The following UBXN7 variants were observed in gnomAD, a reference collection of about 807,000 sequenced individuals.
UBXN7 encodes the protein UBX domain-containing protein 7.
In UBXN7, 9 loss-of-function variants were observed where a neutral mutation model predicts 58.0. The observed-to-expected ratio is 0.16, with a 90% CI of 0.09 to 0.27. The LOEUF is 0.27. Among genes scored for constraint, UBXN7 ranks in the 10% least tolerant of loss-of-function variants. The probability of loss-of-function intolerance (pLI) is 1.00; values close to 1 mark genes in which losing one functional copy is unlikely to be tolerated. For missense variants in UBXN7, 328 were observed against 599.6 expected (o/e 0.55, Z 4.73); for synonymous variants, 208 against 205.0 (o/e 1.01, Z -0.12).
At chr3:196,401,298 T>TATATATATATATATATATAC (rs1269101481) in intron 3 of UBXN7, among the ~76,000 whole-genome samples, 10 of 61,674 alleles carry the variant, frequency 1.6e-4, no homozygotes, top group Non-Finnish European at 2.2e-4. Context: ...TATATATATA[T>TATATATATATATATATATAC]ACACACACAC....
intron 8 of UBXN7, among the ~76,000 whole-genome samples, chr3:196,363,282 C>CT (rs1274795355): frequency 6.7e-6 from 1 of 150,360 alleles, no homozygotes; most frequent in Non-Finnish European, 1.5e-5. Flanking sequence ...TTTTTTCTTT[C>CT]TTTTTTTAAG....
intron 5 of UBXN7, among the ~76,000 whole-genome samples, chr3:196,374,236 A>C (rs775147171): frequency 5.3e-5 from 8 of 151,952 alleles, no homozygotes; most frequent in Non-Finnish European, 1.2e-4. Flanking sequence ...AAAACTGAAA[A>C]TGAATAAAAG....
At chr3:196,393,444 CTT>C (rs1729645450) in intron 4 of UBXN7, 108 bp downstream of exon 4, 9 of 1,037,716 alleles carry the variant, frequency 8.7e-6, no homozygotes, top group Non-Finnish European at 1.2e-5. Flanking sequence ...CATAATTTCA[CTT>C]TTTAAAGAAG....
intron 10 of UBXN7, among the ~76,000 whole-genome samples, chr3:196,358,026 T>C: frequency 6.6e-6 from 1 of 151,748 alleles, no homozygotes; most frequent in South Asian, 2.1e-4. Context: ...CAGAGCCAGA[T>C]CGTGTCTACA....
chr3:196,412,811 C>CA lies in UBXN7; in HGVS notation c.74-5419dup, dbSNP rs1730373277. On this transcript the variant is annotated intron_variant, in intron 1 of 10. Transcript: ENST00000296328. The stretch of plus-strand genomic sequence containing the variant: ...TATGCTAAGTGAAATAAGCCAGTCA[C>CA]AAAATTACAAACGCCATATGATTCT... 2.6e-5 allele frequency among the ~76,000 whole-genome samples: 4 copies of CA among 152,132 alleles called. No individual in the cohort carries two copies. The South Asian group carries it at 8.3e-4, about 32-fold the overall frequency.
At chr3:196,390,789 A>G (rs1729559077) in intron 5 of UBXN7, among the ~76,000 whole-genome samples, 1 of 152,090 alleles carries the variant, frequency 6.6e-6, no homozygotes, top group African/African-American at 2.4e-5. Flanking sequence ...TGGAAATGCT[A>G]TTGTAATTCA....
intron 9 of UBXN7, 144 bp downstream of exon 9, chr3:196,362,150 C>T: frequency 8.5e-7 from 1 of 1,180,750 alleles, no homozygotes; most frequent in Non-Finnish European, 1.2e-6. Flanking sequence ...CGTGCCACCA[C>T]ACCTGGCTAA....
intron 1 of UBXN7, 28 bp from the exon 2 acceptor site, chr3:196,407,421 G>GT: frequency 8.1e-7 from 1 of 1,241,514 alleles, no homozygotes; most frequent in Non-Finnish European, 1.0e-6. Context: ...CAGGAAAAAC[G>GT]TTAAAAAAAA....
At chr3:196,396,137 TTTCTA>T (rs1729763472) in intron 3 of UBXN7, among the ~76,000 whole-genome samples, 1 of 150,468 alleles carries the variant, frequency 6.6e-6, no homozygotes, top group Non-Finnish European at 1.5e-5. Flanking sequence ...CCTTTCTTCA[TTTCTA>T]TTCAAGAAAA....
chr3:196,407,716 A>G (rs996405791), intron 1 of UBXN7, among the ~76,000 whole-genome samples: 1 of 152,162 alleles, frequency 6.6e-6, no homozygotes, highest in African/African-American at 2.4e-5. Flanking sequence ...CTGAAAAAAG[A>G]TAAAGAAAAA....
chr3:196,401,441 T>C (rs1376962380), intron 3 of UBXN7, among the ~76,000 whole-genome samples: 1 of 150,722 alleles, frequency 6.6e-6, no homozygotes, highest in African/African-American at 2.4e-5. Context: ...ATTTTATTCA[T>C]CCTTTTGTTA....
At chr3:196,363,164 A>G (rs937541654) in intron 8 of UBXN7, among the ~76,000 whole-genome samples, 1 of 151,384 alleles carries the variant, frequency 6.6e-6, no homozygotes, top group African/African-American at 2.4e-5. Flanking sequence ...CGGCCTCCCA[A>G]AGTGCTGGGA....
At position 196,424,051 on chromosome 3, in the gene UBXN7, G is replaced by A. The variant is rs151298575; in HGVS notation, c.73+8276C>T. Among the ~76,000 whole-genome samples the A allele has an allele frequency of 4.3e-3, 648 of 151,584 alleles. 5 individuals are homozygous for A. Among genetic ancestry groups the A allele is most frequent in the African/African-American group, 0.015 (602 of 41,332 alleles). ...ATTACAGGTGCCCACCACCATGCCC[G>A]GCTCATTTTTTGTATTTTTAGTGGA... On this transcript the variant is annotated intron_variant, in intron 1 of 10. Transcript: ENST00000296328.
At chr3:196,407,122 C>T in intron 2 of UBXN7, 124 bp downstream of exon 2, 2 of 1,381,894 alleles carry the variant, frequency 1.4e-6, no homozygotes, top group South Asian at 3.0e-5. Flanking sequence ...CCACTTCATA[C>T]TTTTTCAGAG....
intron 3 of UBXN7, chr3:196,400,001 G>A (rs930115374): frequency 1.3e-5 from 2 of 152,214 alleles, no homozygotes; most frequent in African/African-American, 2.4e-5. Flanking sequence ...GGCCTGTAGT[G>A]TGCTATGCCA....
rs370836003 is a variant in UBXN7 at position 196,411,692 on chromosome 3, T to A, written c.74-4299A>T. 1.7e-4 allele frequency among the ~76,000 whole-genome samples: 26 copies of A among 151,736 alleles called. No individual in the cohort carries two copies. The East Asian group carries it at 4.7e-3, about 27-fold the overall frequency. ...CGGACGTGGTGGCAGGCGCCTGTAA[T>A]CCCAGCTACTCGGGAGGCTGAGACA... On this transcript the variant is annotated intron_variant, in intron 1 of 10. Transcript: ENST00000296328.
intron 8 of UBXN7, among the ~76,000 whole-genome samples, chr3:196,363,158 C>T (rs1577433088): frequency 6.6e-6 from 1 of 151,666 alleles, no homozygotes; most frequent in South Asian, 2.1e-4. Context: ...TGACCTCGGC[C>T]TCCCAAAGTG....
chr3:196,369,713 T>C (rs1350804924), intron 6 of UBXN7, among the ~76,000 whole-genome samples: 1 of 152,216 alleles, frequency 6.6e-6, no homozygotes, highest in Non-Finnish European at 1.5e-5. Context: ...AAATTTACCA[T>C]AAACATATTG....
rs146382278 is a variant in UBXN7, at chr3:196,425,485, C to A, written c.73+6842G>T. 3.6e-3 allele frequency among the ~76,000 whole-genome samples: 548 copies of A among 152,050 alleles called. 20 individuals are homozygous for A. In the South Asian group the frequency reaches 0.074, roughly 21 times the overall value. ...GTCTCACTATGTTGCCTAGGCTGAT[C>A]TCAAGCTCCAGGCCTCCCACCTCAG... is the stretch of plus-strand genomic sequence containing the variant. On this transcript the variant is annotated intron_variant, in intron 1 of 10. Coordinates refer to ENST00000296328, the MANE Select transcript of UBXN7 (RefSeq NM_015562.2).
Sources: gnomAD v4.1 joint callset for allele counts (sites outside exome capture counted in the v4.1 genomes callset) on GRCh38, gnomAD v4.1.1 for gene constraint, MANE v1.5 for transcripts, NCBI Gene and HGNC (gene_info 2026-07-23, HGNC 2026-07-21) for gene names.